Variants in CHSY3 observed in about 807,000 individuals in gnomAD.
CHSY3 encodes the protein N-acetylgalactosaminyl-proteoglycan 3-beta-glucuronosyltransferase 3.
CHSY3 carries 35 observed loss-of-function variants against 67.2 expected under a neutral mutation model. The ratio of observed to expected loss-of-function variants is 0.52; its 90% CI spans 0.40 to 0.69. CHSY3 has a LOEUF of 0.69. CHSY3 is among the 30% of genes least tolerant of loss of function. The probability of loss-of-function intolerance (pLI) is 0.00; values close to 1 mark genes in which losing one functional copy is unlikely to be tolerated. For missense variants in CHSY3, 1,069 were observed against 1,138.5 expected, an observed-to-expected ratio of 0.94 and a Z score of 0.88; for synonymous variants, 474 against 434.7, an observed-to-expected ratio of 1.09 and a Z score of -1.12.
chr5:130,087,272 G>A (rs1020446828), intron 2 of CHSY3, among the ~76,000 whole-genome samples: 9 of 152,206 alleles, frequency 5.9e-5, no homozygotes, highest in African/African-American at 1.9e-4. Flanking sequence ...TACTGAATGG[G>A]CAAAAACTGC....
intron 2 of CHSY3, among the ~76,000 whole-genome samples, chr5:129,958,441 A>G (rs1184438095): frequency 6.6e-6 from 1 of 152,122 alleles, no homozygotes; most frequent in Non-Finnish European, 1.5e-5. Flanking sequence ...TGCGCAGGGA[A>G]GCTGCTGTCC....
At chr5:129,975,852 G>A (rs371447882) in intron 2 of CHSY3, among the ~76,000 whole-genome samples, 1 of 151,994 alleles carries the variant, frequency 6.6e-6, no homozygotes, top group East Asian at 1.9e-4. Context: ...TTTTGTATAG[G>A]GTTGTTGCAT....
intron 2 of CHSY3, among the ~76,000 whole-genome samples, chr5:129,965,883 G>A (rs1037535429): frequency 6.6e-6 from 1 of 151,818 alleles, no homozygotes; most frequent in Non-Finnish European, 1.5e-5. Flanking sequence ...CAGTTAGTGA[G>A]ATCAGAGCCT....
intron 2 of CHSY3, among the ~76,000 whole-genome samples, chr5:130,081,378 C>A (rs1377664749): frequency 6.8e-6 from 1 of 147,772 alleles, no homozygotes; most frequent in Non-Finnish European, 1.5e-5. Context: ...GTCAGAAAGA[C>A]CTTGAGGCTT....
At chr5:129,954,388 T>C (rs1384932860) in intron 2 of CHSY3, among the ~76,000 whole-genome samples, 1 of 152,150 alleles carries the variant, frequency 6.6e-6, no homozygotes, top group African/African-American at 2.4e-5. Context: ...TGTGGCCTTA[T>C]AGTATAGTTT....
At position 129,961,823 on chromosome 5, in the gene CHSY3, T is replaced by A. The variant is rs578202965; in HGVS notation, c.1086+53463T>A. ...TTTCCCTCTAGTCAATAAACTTTTT[T>A]AAAAAAACTTTCAATAACTATTTCA... On this transcript the variant is annotated intron_variant, in intron 2 of 2. Coordinates refer to ENST00000305031, the MANE Select transcript of CHSY3 (RefSeq NM_175856.5). Among the ~76,000 whole-genome samples the A allele has an allele frequency of 1.2e-4, 18 of 152,106 alleles. No individual in the cohort carries two copies. The South Asian group carries it at 2.5e-3, about 21-fold the overall frequency.
chr5:129,986,925 C>G (rs1303438973), intron 2 of CHSY3, among the ~76,000 whole-genome samples: 2 of 152,128 alleles, frequency 1.3e-5, no homozygotes, highest in South Asian at 2.1e-4. Flanking sequence ...TTATAGGAGT[C>G]AGCCAGTGTG....
chr5:130,160,895 A>ATTTTTTTT (rs1235724208), intron 2 of CHSY3, among the ~76,000 whole-genome samples: 3 of 142,426 alleles, frequency 2.1e-5, no homozygotes, highest in African/African-American at 8.1e-5. Context: ...TTATTTATTT[A>ATTTTTTTT]TTTTTTTTTT....
intron 2 of CHSY3, among the ~76,000 whole-genome samples, chr5:130,067,426 G>A (rs1765919178): frequency 6.6e-6 from 1 of 152,136 alleles, no homozygotes; most frequent in African/African-American, 2.4e-5. Flanking sequence ...CTAATTGAAT[G>A]CCTCTTTGAA....
intron 2 of CHSY3, among the ~76,000 whole-genome samples, chr5:129,933,353 G>C (rs1452656104): frequency 6.6e-6 from 1 of 152,116 alleles, no homozygotes; most frequent in African/African-American, 2.4e-5. Context: ...TAGTCAGCAT[G>C]ACAGCTCTTT....
intron 2 of CHSY3, among the ~76,000 whole-genome samples, chr5:129,911,921 T>G (rs1350524412): frequency 1.3e-5 from 2 of 152,170 alleles, no homozygotes; most frequent in East Asian, 1.9e-4. Context: ...CCAGGCGTGG[T>G]GGCGGGCGCC....
At chr5:130,140,560 G>C (rs1464258081) in intron 2 of CHSY3, 1 of 571,492 alleles carries the variant, frequency 1.7e-6, no homozygotes, top group Admixed American at 3.1e-5. Context: ...AACTGCTGCT[G>C]CTACTGCTTA....
chr5:130,067,304 A>G (rs983538832), intron 2 of CHSY3, among the ~76,000 whole-genome samples: 3 of 152,106 alleles, frequency 2.0e-5, no homozygotes, highest in African/African-American at 4.8e-5. Context: ...TTTTCATTAG[A>G]TGTGTCACCA....
chr5:129,941,148 A>G (rs1282588752), intron 2 of CHSY3, among the ~76,000 whole-genome samples: 1 of 152,164 alleles, frequency 6.6e-6, no homozygotes, highest in Non-Finnish European at 1.5e-5. Flanking sequence ...AGAGGATTGC[A>G]TGAGCCCAGA....
intron 2 of CHSY3, among the ~76,000 whole-genome samples, chr5:129,919,950 T>G (rs1237777997): frequency 1.3e-5 from 2 of 152,212 alleles, no homozygotes; most frequent in African/African-American, 2.4e-5. Flanking sequence ...CAATTTTTTC[T>G]GAAGAGAACA....
rs144038141 is a variant in CHSY3 at position 130,185,535 on chromosome 5, C to T, written c.2393C>T (p.Thr798Ile). The change falls in exon 3 of 3, where the codon ACC becomes ATC. Residue 798 changes from threonine (T) to isoleucine (I), a missense_variant. Coordinates refer to ENST00000305031, the MANE Select transcript of CHSY3 (RefSeq NM_175856.5). ...CTTCTAGGTGCAGGTGGATTTGATA[C>T]CTCAATACAAGGCTGGGGACTAGAA... ...SDLLGAGGFD[T>I]SIQGWGLEDV... 85 of 1,614,144 alleles carry T rather than the reference C, an allele frequency of 5.3e-5. No homozygotes were observed. In the East Asian group the frequency reaches 1.8e-3, roughly 35 times the overall value.
At chr5:130,160,462 C>T (rs1444458455) in intron 2 of CHSY3, among the ~76,000 whole-genome samples, 2 of 152,178 alleles carry the variant, frequency 1.3e-5, no homozygotes, top group East Asian at 3.9e-4. Context: ...CTATCTCCTT[C>T]CCTTTTTAAA....
At chr5:130,089,039 G>A (rs1234959054) in intron 2 of CHSY3, among the ~76,000 whole-genome samples, 1 of 151,982 alleles carries the variant, frequency 6.6e-6, no homozygotes, top group African/African-American at 2.4e-5. Flanking sequence ...ATACTATGTA[G>A]CCATAAAAAA....
At chr5:130,037,673 A>G (rs571615275) in intron 2 of CHSY3, among the ~76,000 whole-genome samples, 2 of 152,140 alleles carry the variant, frequency 1.3e-5, no homozygotes, top group Non-Finnish European at 2.9e-5. Context: ...ATGTTTTTAG[A>G]ATTTTTAAAA....
Sources: allele counts gnomAD v4.1 joint callset (sites outside exome capture counted in the v4.1 genomes callset), GRCh38; gene constraint gnomAD v4.1.1; transcripts MANE v1.5; gene names NCBI Gene and HGNC (gene_info 2026-07-23, HGNC 2026-07-21).